The following FHIT variants were observed in gnomAD, a reference collection of about 807,000 sequenced individuals.
The protein encoded by FHIT is bis(5'-adenosyl)-triphosphatase.
In FHIT, 19 loss-of-function variants were observed where a neutral mutation model predicts 17.9. The ratio of observed to expected loss-of-function variants is 1.06; its 90% CI spans 0.74 to 1.56. The LOEUF (loss-of-function observed/expected upper bound fraction) is 1.56. FHIT is among the 40% of genes most tolerant of loss of function. The pLI is 0.00. For synonymous variants in FHIT, 81 were observed against 69.7 expected (o/e 1.16, Z -0.81); for missense variants, 248 against 189.2 (o/e 1.31, Z -1.82).
At chr3:61,117,157 C>G (rs1349090675) in intron 2 of FHIT, among the ~76,000 whole-genome samples, 2 of 152,028 alleles carry the variant, frequency 1.3e-5, no homozygotes, top group African/African-American at 4.8e-5. Flanking sequence ...AAGATTAATA[C>G]AAATAGAAAA....
intron 5 of FHIT, among the ~76,000 whole-genome samples, chr3:60,420,599 A>C: frequency 6.6e-6 from 1 of 152,118 alleles, no homozygotes; most frequent in Non-Finnish European, 1.5e-5. Flanking sequence ...AAAAAAATCT[A>C]TCTTATTTTA....
chr3:60,656,861 G>A (rs1370799699), intron 4 of FHIT, among the ~76,000 whole-genome samples: 1 of 152,070 alleles, frequency 6.6e-6, no homozygotes, highest in Non-Finnish European at 1.5e-5. Context: ...AAATAATCCA[G>A]TAATACTTTT....
At chr3:60,356,340 G>A (rs1699651608) in intron 5 of FHIT, among the ~76,000 whole-genome samples, 1 of 152,162 alleles carries the variant, frequency 6.6e-6, no homozygotes. Flanking sequence ...CAAGGCTCCT[G>A]AGCACAACAA....
chr3:61,021,933 G>A (rs1033810007), intron 3 of FHIT, among the ~76,000 whole-genome samples: 1 of 152,024 alleles, frequency 6.6e-6, no homozygotes, highest in African/African-American at 2.4e-5. Flanking sequence ...ACAATTAAGA[G>A]AACTAGAAAA....
At chr3:60,947,974 A>G (rs1261172120) in intron 3 of FHIT, among the ~76,000 whole-genome samples, 1 of 152,218 alleles carries the variant, frequency 6.6e-6, no homozygotes, top group African/African-American at 2.4e-5. Flanking sequence ...TTTAGCCCAT[A>G]GAGGGGACAG....
At chr3:61,209,873 A>T (rs942233041) in intron 1 of FHIT, among the ~76,000 whole-genome samples, 2 of 152,110 alleles carry the variant, frequency 1.3e-5, no homozygotes, top group Admixed American at 6.5e-5. Context: ...GTTCCTTTGG[A>T]GGAGGAGAGG....
chr3:60,091,425 T>C (rs1019795979), intron 5 of FHIT, among the ~76,000 whole-genome samples: 1 of 152,172 alleles, frequency 6.6e-6, no homozygotes, highest in Non-Finnish European at 1.5e-5. Context: ...GGCTGCCACT[T>C]GTTGGCACCT....
chr3:60,518,232 T>C (rs1204903690), intron 5 of FHIT, among the ~76,000 whole-genome samples: 1 of 152,138 alleles, frequency 6.6e-6, no homozygotes, highest in Non-Finnish European at 1.5e-5. Flanking sequence ...AGGAACAATA[T>C]TTGCAACAAA....
At chr3:60,215,194 T>G (rs936793818) in intron 5 of FHIT, among the ~76,000 whole-genome samples, 3 of 151,838 alleles carry the variant, frequency 2.0e-5, no homozygotes, top group Admixed American at 6.6e-5. Context: ...AGTAATTCAT[T>G]CAATTAAAAA....
At chr3:60,726,264 T>G (rs1193768198) in intron 4 of FHIT, among the ~76,000 whole-genome samples, 1 of 152,142 alleles carries the variant, frequency 6.6e-6, no homozygotes, top group Non-Finnish European at 1.5e-5. Flanking sequence ...AAAATTGTAT[T>G]AGTGACTAGA....
At chr3:60,420,186 G>A (rs1447969) in intron 5 of FHIT, among the ~76,000 whole-genome samples, 141,441 of 152,192 alleles carry the variant, frequency 0.93, 66,592 homozygotes, top group East Asian at 1. Context: ...CTTTTTTACT[G>A]AAGGCCATCA....
At position 60,156,591 on chromosome 3, in the gene FHIT, T is replaced by A. The variant is rs540526164; in HGVS notation, c.104-142439A>T. Among the ~76,000 whole-genome samples, 100 of 120,696 alleles carry A rather than the reference T, an allele frequency of 8.3e-4. 1 individual carries two copies. In the East Asian group the frequency reaches 0.032, roughly 38 times the overall value. The allele number at this position is 120,696 out of a possible 152,430, so 79.2% of individuals were successfully genotyped here. ...TAGTGAGATCTTGTCTCTATAAAAA[T>A]TTTTTTTTAAATTAGCCGGCCATAA... On this transcript the variant is annotated intron_variant, in intron 5 of 9. Coordinates refer to ENST00000492590, the MANE Select transcript of FHIT (RefSeq NM_002012.4).
rs535281648 is a variant in FHIT at position 61,206,562 on chromosome 3, T to C, written c.-212-5897A>G. Among the ~76,000 whole-genome samples, 4 of 151,756 alleles carry C rather than the reference T, an allele frequency of 2.6e-5. No homozygotes were observed. The East Asian group carries it at 7.8e-4, about 30-fold the overall frequency. ...CCTTGTAAGATGGATTCCTAGGTAT[T>C]TTATTCTCTTTGAAGCAGTTGTGAA... On this transcript the variant is annotated intron_variant, in intron 1 of 9. Coordinates refer to ENST00000492590, the MANE Select transcript of FHIT (RefSeq NM_002012.4).
intron 5 of FHIT, among the ~76,000 whole-genome samples, chr3:60,061,405 G>C (rs1444335442): frequency 6.6e-6 from 1 of 152,210 alleles, no homozygotes; most frequent in Non-Finnish European, 1.5e-5. Context: ...CTGCTGAAGA[G>C]TCTGTTTGTA....
chr3:60,375,408 TAAAAA>T (rs144193166), intron 5 of FHIT, among the ~76,000 whole-genome samples: 1 of 142,880 alleles, frequency 7.0e-6, no homozygotes. Flanking sequence ...ATCTCTACTT[TAAAAA>T]AAAAAAAAAA....
intron 4 of FHIT, among the ~76,000 whole-genome samples, chr3:60,635,934 T>A (rs555362733): frequency 6.6e-6 from 1 of 152,282 alleles, no homozygotes; most frequent in African/African-American, 2.4e-5. Flanking sequence ...CAAAGGGTCA[T>A]ACACACAGGC....
intron 5 of FHIT, among the ~76,000 whole-genome samples, chr3:60,227,741 G>A (rs997104922): frequency 2.6e-5 from 4 of 151,982 alleles, no homozygotes; most frequent in African/African-American, 9.7e-5. Flanking sequence ...AGCCATTTAC[G>A]GTCTCTAAGC....
At chr3:60,106,860 C>T (rs140371806) in intron 5 of FHIT, among the ~76,000 whole-genome samples, 58 of 152,264 alleles carry the variant, frequency 3.8e-4, no homozygotes, top group African/African-American at 1.3e-3. Flanking sequence ...GTATGGATAC[C>T]TTAAACAAAA....
At chr3:60,330,729 G>A (rs1324433878) in intron 5 of FHIT, among the ~76,000 whole-genome samples, 1 of 152,184 alleles carries the variant, frequency 6.6e-6, no homozygotes, top group African/African-American at 2.4e-5. Context: ...GACTGGAAAT[G>A]CATCAATCTC....
Sources: allele counts gnomAD v4.1 joint callset (sites outside exome capture counted in the v4.1 genomes callset), GRCh38; gene constraint gnomAD v4.1.1; transcripts MANE v1.5; gene names NCBI Gene and HGNC (gene_info 2026-07-23, HGNC 2026-07-21).